Variants in CAMK2G observed in about 807,000 individuals in gnomAD.
The protein encoded by CAMK2G is calcium/calmodulin dependent protein kinase II gamma, also known as calcium/calmodulin-dependent protein kinase type II subunit gamma.
CAMK2G carries 23 observed loss-of-function variants against 88.7 expected under a neutral mutation model. That is an observed-to-expected ratio of 0.26 (90% CI 0.19 to 0.37). CAMK2G has a LOEUF of 0.37. Among genes scored for constraint, CAMK2G ranks in the 10% least tolerant of loss-of-function variants. The pLI is 1.00. For synonymous variants in CAMK2G, 263 were observed against 294.8 expected, an observed-to-expected ratio of 0.89 and a Z score of 1.11; for missense variants, 476 against 780.8, an observed-to-expected ratio of 0.61 and a Z score of 4.65.
chr10:73,848,888 G>A lies in CAMK2G; in HGVS notation c.517+125C>T, dbSNP rs1023409975. ...AGACTTACTGTACTGAGTCGCGTAC[G>A]GCCAAGAGAGATCTCGGAGGCCAGG... is the stretch of plus-strand genomic sequence containing the variant. On this transcript the variant is annotated intron_variant, in intron 7 of 22. Transcript: ENST00000423381. The surrounding 1 kb of genome is among the most constrained non-coding windows in gnomAD (Gnocchi z 4.5). The A allele has an allele frequency of 6.7e-5, 51 of 759,004 alleles. No individual in the cohort carries two copies. Among genetic ancestry groups the A allele is most frequent in the African/African-American group, 6.8e-5 (4 of 58,600 alleles). 47.0% of individuals were successfully genotyped at this position (759,004 alleles called of 1,614,324 possible). A position where few individuals can be genotyped will look rare whatever the true frequency, so the allele number is the denominator to read the frequency against.
chr10:73,828,094 G>C lies in CAMK2G; in HGVS notation c.1081C>G (p.Leu361Val), dbSNP rs1376962341. Residue 361 changes from leucine to valine, a missense_variant, in exon 15 of 23, where the codon CTA (leucine) becomes GTA (valine). Physicochemically the swap from Leu to Val is conservative, Grantham distance 32. Coordinates refer to ENST00000423381, the MANE Select transcript of CAMK2G (RefSeq NM_001367534.1). Reference protein sequence around the residue: ...KKRKSSSSVHLMPQSNNKNSL... With the variant: ...KKRKSSSSVHVMPQSNNKNSL... ...GGTGGGCAGGCAAGGCTCACCATTA[G>C]GTGCACGCTGGAACTCGACTTCCTT... The C allele has an allele frequency of 4.3e-6, 7 of 1,613,526 alleles. No homozygotes were observed. The highest frequency in any genetic ancestry group is 5.1e-6 in the Non-Finnish European group (6 of 1,179,442).
intron 14 of CAMK2G, among the ~76,000 whole-genome samples, chr10:73,830,972 T>C (rs2092335436): frequency 6.6e-6 from 1 of 152,210 alleles, no homozygotes; most frequent in Non-Finnish European, 1.5e-5. Flanking sequence ...TCCATGATGC[T>C]GAAAGCTCAA....
chr10:73,816,898 T>A, intron 21 of CAMK2G, 125 bp downstream of exon 21: 2 of 1,608,070 alleles, frequency 1.2e-6, no homozygotes, highest in Non-Finnish European at 1.7e-6. Flanking sequence ...GCATACAGAG[T>A]AGGAGTGCAG....
chr10:73,849,186 C>T (rs1052510840), intron 6 of CAMK2G, 71 bp from the exon 7 acceptor site: 48 of 1,561,768 alleles, frequency 3.1e-5, no homozygotes, highest in African/African-American at 6.8e-5. Context: ...TTTGGGCCTA[C>T]GCAGTACCAC....
chr10:73,826,524 C>T (rs1009386398), intron 15 of CAMK2G, among the ~76,000 whole-genome samples: 3 of 152,170 alleles, frequency 2.0e-5, no homozygotes, highest in African/African-American at 7.2e-5. Flanking sequence ...AGGAAGAAGG[C>T]TGATCTCCAG....
At chr10:73,857,231 G>A (rs1437526272) in intron 3 of CAMK2G, among the ~76,000 whole-genome samples, 2 of 152,202 alleles carry the variant, frequency 1.3e-5, no homozygotes, top group African/African-American at 2.4e-5. Context: ...ACTGAGTCGA[G>A]GCTGGGGGTC....
intron 3 of CAMK2G, among the ~76,000 whole-genome samples, chr10:73,854,943 T>A (rs1167249847): frequency 6.6e-6 from 1 of 152,190 alleles, no homozygotes; most frequent in Non-Finnish European, 1.5e-5. Context: ...TCAGTATTTC[T>A]GGGAACGGGA....
chr10:73,815,371 C>G (rs553137710), intron 21 of CAMK2G, 124 bp from the exon 22 acceptor site: 9 of 647,914 alleles, frequency 1.4e-5, no homozygotes, highest in East Asian at 5.5e-5. Context: ...CAAGTACCGC[C>G]CCCCCCCACC....
intron 18 of CAMK2G, 46 bp downstream of exon 18, chr10:73,821,636 C>T (rs750825887): frequency 2.0e-6 from 3 of 1,490,064 alleles, no homozygotes; most frequent in Non-Finnish European, 2.8e-6. Flanking sequence ...GCCCAGGTAC[C>T]TGGGTCACTG....
At chr10:73,845,474 C>T (rs531158596) in intron 10 of CAMK2G, among the ~76,000 whole-genome samples, 51 of 150,968 alleles carry the variant, frequency 3.4e-4, no homozygotes, top group Middle Eastern at 3.4e-3. Context: ...CCCAGCTACT[C>T]GGGAGGCTGA....
chr10:73,827,273 G>A (rs1421626752), intron 15 of CAMK2G, among the ~76,000 whole-genome samples: 1 of 152,240 alleles, frequency 6.6e-6, no homozygotes, highest in Non-Finnish European at 1.5e-5. Context: ...TGCAAGCTCC[G>A]CCTCCTGGGT....
intron 18 of CAMK2G, among the ~76,000 whole-genome samples, chr10:73,821,306 G>C (rs2088618681): frequency 6.6e-6 from 1 of 152,098 alleles, no homozygotes; most frequent in South Asian, 2.1e-4. Context: ...GGAAAACCAG[G>C]AGTGATTGGT....
intron 14 of CAMK2G, among the ~76,000 whole-genome samples, chr10:73,831,259 G>A (rs772760912): frequency 7.2e-5 from 11 of 152,144 alleles, no homozygotes; most frequent in Non-Finnish European, 1.5e-4. Flanking sequence ...AATGCAATTG[G>A]CCGGGCACGG....
chr10:73,817,747 A>G (rs761499180), intron 19 of CAMK2G, 193 bp from the exon 20 acceptor site: 104 of 579,118 alleles, frequency 1.8e-4, no homozygotes, highest in Middle Eastern at 1.3e-3. Flanking sequence ...TGCAGAGACA[A>G]TGACCACTTT....
At chr10:73,831,826 C>T (rs1282714600) in intron 14 of CAMK2G, among the ~76,000 whole-genome samples, 1 of 152,056 alleles carries the variant, frequency 6.6e-6, no homozygotes, top group Non-Finnish European at 1.5e-5. Flanking sequence ...CACCACTACA[C>T]TCCAGCCAGG....
intron 14 of CAMK2G, among the ~76,000 whole-genome samples, chr10:73,835,967 T>G (rs1301048699): frequency 6.6e-5 from 10 of 152,120 alleles, no homozygotes; most frequent in Admixed American, 5.9e-4. Context: ...CCCGAGTGGC[T>G]GGGATTACAG....
chr10:73,834,932 T>C (rs760115267), intron 14 of CAMK2G, among the ~76,000 whole-genome samples: 4 of 152,198 alleles, frequency 2.6e-5, no homozygotes, highest in Admixed American at 6.5e-5. Flanking sequence ...TTTTATGCAA[T>C]TGCTCTTCCC....
At position 73,819,520 on chromosome 10, in the gene CAMK2G, C is replaced by G; in HGVS notation, c.1363+12G>C. ...GGAGACGGAAGCCAGAATGTGCCTC[C>G]CTCACACTTACTGGCTGAGGAGCAG... On this transcript the variant is annotated intron_variant, in intron 19 of 22. Coordinates refer to ENST00000423381, the MANE Select transcript of CAMK2G (RefSeq NM_001367534.1). 6.5e-7 allele frequency: 1 copy of G among 1,528,652 alleles called. No homozygotes were observed. Among genetic ancestry groups the G allele is most frequent in the Non-Finnish European group, 8.9e-7 (1 of 1,127,668 alleles). 94.7% of individuals were successfully genotyped at this position (1,528,652 alleles called of 1,614,324 possible).
chr10:73,819,277 G>T (rs1349045096), intron 19 of CAMK2G, among the ~76,000 whole-genome samples: 1 of 152,058 alleles, frequency 6.6e-6, no homozygotes, highest in Non-Finnish European at 1.5e-5. Context: ...ACATCCTGGG[G>T]GCTTTCTACT....
Sources: gnomAD v4.1 joint callset for allele counts (sites outside exome capture counted in the v4.1 genomes callset) on GRCh38, gnomAD v4.1.1 for gene constraint, Gnocchi (gnomAD v3.1) non-coding constraint, MANE v1.5 for transcripts, NCBI Gene and HGNC (gene_info 2026-07-23, HGNC 2026-07-21) for gene names.